The following PKP3 variants were observed in gnomAD, a reference collection of about 807,000 sequenced individuals.
PKP3 encodes the protein plakophilin-3.
In PKP3, 66 loss-of-function variants were observed where a neutral mutation model predicts 76.5. The observed-to-expected ratio is 0.86, with a 90% CI of 0.71 to 1.06. The LOEUF (loss-of-function observed/expected upper bound fraction) is 1.06. Ranked by LOEUF, PKP3 falls within the 50% of genes least tolerant of loss-of-function variation. The pLI is 0.00. For synonymous variants in PKP3, 638 were observed against 516.5 expected, an observed-to-expected ratio of 1.24 and a Z score of -3.19; for missense variants, 1,338 against 1,141.0, an observed-to-expected ratio of 1.17 and a Z score of -2.49.
At chr11:394,558 G>C in intron 1 of PKP3, 34 bp downstream of exon 1, 3 of 1,346,436 alleles carry the variant, frequency 2.2e-6, no homozygotes, top group Non-Finnish European at 2.9e-6. Flanking sequence ...GGATGGCGGT[G>C]GCGGGGAGAG....
Position 403,698 on chromosome 11 carries a change from C to T in PKP3, c.2004C>T (p.Asp668=). 1 of 1,610,434 alleles carries T rather than the reference C, an allele frequency of 6.2e-7. No homozygotes were observed. The highest frequency in any genetic ancestry group is 8.5e-7 in the Non-Finnish European group (1 of 1,179,778). Residue 668 remains aspartate, a synonymous_variant, in exon 10 of 13, where the codon GAC becomes GAT. Transcript: ENST00000331563. The part of the protein sequence containing the change: ...NPLLDRVRTA[D]HHQLRSLTGL... ...TGCTAGACCGTGTCAGGACCGCCGA[C>T]CACCACCAGCTGCGCTCACTGACTG...
intron 1 of PKP3, chr11:396,374 A>G: frequency 2.1e-6 from 1 of 486,408 alleles, no homozygotes. Flanking sequence ...TCTCGGGTAG[A>G]GGAGGCACAG....
At position 400,573 on chromosome 11, in the gene PKP3, C is replaced by G; in HGVS notation, c.1605C>G (p.Ser535=). Residue 535 remains serine, a synonymous_variant, in exon 8 of 13, where the codon TCC becomes TCG. Coordinates refer to ENST00000331563, the MANE Select transcript of PKP3 (RefSeq NM_007183.4). ...ENAVCVLRNL[S]YRLYDEMPPS... ...CGGTGTGCGTCCTGCGGAACCTGTC[C>G]TACCGCCTCTACGACGAGATGCCGC... is the stretch of plus-strand genomic sequence containing the variant. 6.7e-7 allele frequency: 1 copy of G among 1,484,202 alleles called. No homozygotes were observed. Among genetic ancestry groups the G allele is most frequent in the Non-Finnish European group, 8.9e-7 (1 of 1,125,990 alleles). 91.9% of individuals were successfully genotyped at this position (1,484,202 alleles called of 1,614,324 possible). A position where few individuals can be genotyped will look rare whatever the true frequency, so the allele number is the denominator to read the frequency against.
chr11:399,278 C>A (rs1382454559), intron 5 of PKP3, 82 bp downstream of exon 5: 7 of 669,836 alleles, frequency 1.0e-5, no homozygotes, highest in Non-Finnish European at 1.5e-5. Flanking sequence ...CCCCACCTGC[C>A]CCCCTCCACC....
intron 4 of PKP3, among the ~76,000 whole-genome samples, chr11:397,935 ACCT>A (rs1310302018): frequency 9.0e-6 from 1 of 111,132 alleles, no homozygotes; most frequent in African/African-American, 3.6e-5. Context: ...CCCCACATAT[ACCT>A]CATCACCTCC....
In PKP3 at chr11:398,997, C is replaced by T; in HGVS notation, c.1074C>T (p.Arg358=). The T allele has an allele frequency of 6.4e-7, 1 of 1,574,042 alleles. No individual in the cohort carries two copies. The highest frequency in any genetic ancestry group is 8.6e-7 in the Non-Finnish European group (1 of 1,156,588). ...CCATATGCCTGTGCCCGCAGGCCCG[C>T]AGCCTTCAGGCCGTGCCTAGGCTGG... is the stretch of plus-strand genomic sequence containing the variant. ...YSDAAAKKQA[R]SLQAVPRLVK... The change falls in exon 5 of 13, where the codon CGC becomes CGT. Residue 358 remains arginine (R), a synonymous_variant. Coordinates refer to ENST00000331563, the MANE Select transcript of PKP3 (RefSeq NM_007183.4).
chr11:403,358 G>T (rs978302050), intron 9 of PKP3, 95 bp downstream of exon 9: 5 of 1,099,920 alleles, frequency 4.5e-6, no homozygotes, highest in Non-Finnish European at 5.1e-6. Context: ...GGAAGGGGAC[G>T]CCCAGGGTCC....
Position 403,749 on chromosome 11 carries a change from C to G in PKP3, c.2055C>G (p.Asn685Lys), listed in dbSNP as rs116633466. 2.5e-6 allele frequency: 4 copies of G among 1,608,224 alleles called. No individual in the cohort carries two copies. The highest frequency in any genetic ancestry group is 3.4e-6 in the Non-Finnish European group (4 of 1,179,844). Residue 685 changes from asparagine to lysine, a missense_variant, in exon 10 of 13, where the codon AAC (asparagine) becomes AAG (lysine). Asn to Lys is a moderately conservative substitution (Grantham distance 94, BLOSUM62 0). Transcript: ENST00000331563. Reference sequence around the variant, plus strand: ...GCCTCATCCGAAACCTGTCTCGGAACGCTAGGAACAAGGACGAGATGTGTG... The same window carrying G: ...GCCTCATCCGAAACCTGTCTCGGAAGGCTAGGAACAAGGACGAGATGTGTG... ...LTGLIRNLSR[N>K]ARNKDEMSTK...
chr11:397,919 C>A, intron 4 of PKP3: 1 of 481,322 alleles, frequency 2.1e-6, no homozygotes, highest in Non-Finnish European at 3.8e-6. Flanking sequence ...TGCGTCACCT[C>A]CGTACCCCCA....
At chr11:398,311 TG>T (rs2133598607) in intron 4 of PKP3, among the ~76,000 whole-genome samples, 2 of 36,978 alleles carry the variant, frequency 5.4e-5, no homozygotes, top group Admixed American at 5.1e-4. Context: ...CGCACACACC[TG>T]CGTCACCTCC....
rs137999619 is a variant in PKP3, at chr11:396,675, G to A, written c.300G>A (p.Gly100=). Residue 100 remains glycine, a synonymous_variant, in exon 2 of 13, where the codon GGG becomes GGA. Transcript: ENST00000331563. ...GFSSRSQGLS[G]DKTSGFRPIA... ...GCTCTCGCTCTCAGGGCCTGAGTGG[G>A]GACAAGACCTCGGTGAGCGATGGGC... 9 of 1,610,746 alleles carry A rather than the reference G, an allele frequency of 5.6e-6. No individual in the cohort carries two copies. Among genetic ancestry groups the A allele is most frequent in the Non-Finnish European group, 7.6e-6 (9 of 1,178,900 alleles).
chr11:396,954 C>T lies in PKP3; in HGVS notation c.453C>T (p.Ala151=), dbSNP rs771747821. The T allele has an allele frequency of 3.1e-6, 5 of 1,596,666 alleles. No homozygotes were observed. The South Asian group carries it at 5.5e-5, about 18-fold the overall frequency. The change falls in exon 3 of 13, where the codon GCC becomes GCT. Residue 151 remains alanine, a synonymous_variant. Transcript: ENST00000331563. The part of the protein sequence containing the change: ...SAFGAAGYGG[A]QPTPPMPTRP... ...TTGGGGCCGCTGGGTACGGGGGTGCCCAGCCCACCCCTCCCATGCCCACCA... is the reference window on the plus strand; with the variant it reads ...TTGGGGCCGCTGGGTACGGGGGTGCTCAGCCCACCCCTCCCATGCCCACCA...
Sources: gnomAD v4.1 joint callset for allele counts (sites outside exome capture counted in the v4.1 genomes callset) on GRCh38, gnomAD v4.1.1 for gene constraint, MANE v1.5 for transcripts, NCBI Gene and HGNC (gene_info 2026-07-23, HGNC 2026-07-21) for gene names.